TMC1: variants seen among roughly 807,000 people sequenced by gnomAD.
TMC1 encodes transmembrane channel like 1.
TMC1 carries 84 observed loss-of-function variants against 105.8 expected under a neutral mutation model. That is an observed-to-expected ratio of 0.79 (90% CI 0.67 to 0.95). TMC1 has a LOEUF of 0.95. Ranked by LOEUF, TMC1 falls within the 40% of genes least tolerant of loss-of-function variation. TMC1 has a pLI of 0.00. For missense variants in TMC1, 817 were observed against 914.1 expected, an observed-to-expected ratio of 0.89 and a Z score of 1.37; for synonymous variants, 315 against 311.5, an observed-to-expected ratio of 1.01 and a Z score of -0.12.
chr9:72,827,787 G>A, intron 21 of TMC1, among the ~76,000 whole-genome samples: 1 of 152,176 alleles, frequency 6.6e-6, no homozygotes, highest in Non-Finnish European at 1.5e-5. Flanking sequence ...CTCAGTCAGT[G>A]GGTAAATATT....
At position 72,667,635 on chromosome 9, in the gene TMC1, C is replaced by T. The variant is rs905548045; in HGVS notation, c.16+18971C>T. ...TGCTTAAAATTGAGATAATAACACA[C>T]GCACCAGTTGGGTTTCTCTGAGAAC... On this transcript the variant is annotated intron_variant, in intron 5 of 23. Transcript: ENST00000297784. 1.4e-4 allele frequency among the ~76,000 whole-genome samples: 21 copies of T among 152,322 alleles called. 1 individual carries two copies. The highest frequency in any genetic ancestry group is 5.2e-4 in the Admixed American group (8 of 15,296).
chr9:72,680,744 A>G (rs1158736326), intron 5 of TMC1, among the ~76,000 whole-genome samples: 2 of 152,080 alleles, frequency 1.3e-5, no homozygotes, highest in Admixed American at 6.6e-5. Context: ...TTTGGAAGAC[A>G]CTCATTAACA....
chr9:72,728,623 C>T (rs756432044), intron 8 of TMC1, among the ~76,000 whole-genome samples: 2 of 152,118 alleles, frequency 1.3e-5, no homozygotes, highest in South Asian at 2.1e-4. Flanking sequence ...ATTGTCTCTA[C>T]CCTTCTATTA....
At chr9:72,769,702 GT>G (rs1203750620) in intron 12 of TMC1, among the ~76,000 whole-genome samples, 1 of 152,182 alleles carries the variant, frequency 6.6e-6, no homozygotes, top group African/African-American at 2.4e-5. Context: ...AAAATAAGGT[GT>G]TTGGCAAGTG....
intron 8 of TMC1, among the ~76,000 whole-genome samples, chr9:72,719,176 G>A (rs1043718982): frequency 2.8e-4 from 42 of 152,166 alleles, no homozygotes; most frequent in African/African-American, 1.0e-3. Flanking sequence ...CCTGTCACCG[G>A]ATTCACATCC....
chr9:72,739,756 G>A (rs2118013412), intron 8 of TMC1, among the ~76,000 whole-genome samples: 1 of 152,200 alleles, frequency 6.6e-6, no homozygotes, highest in Admixed American at 6.5e-5. Context: ...AAGAAGAAGA[G>A]GAAGTATTTT....
chr9:72,810,944 G>A lies in TMC1; in HGVS notation c.1696-5199G>A, dbSNP rs534837463. Reference sequence around the variant, plus strand: ...AGTTGAATTGCTCAGTCACAGTAGAGGGCTTTAAAAAAGTCTATTCACTTT... The same window carrying A: ...AGTTGAATTGCTCAGTCACAGTAGAAGGCTTTAAAAAAGTCTATTCACTTT... On this transcript the variant is annotated intron_variant, in intron 18 of 23. Transcript: ENST00000297784. Among the ~76,000 whole-genome samples, 9 of 152,142 alleles carry A rather than the reference G, an allele frequency of 5.9e-5. No homozygotes were observed. In the East Asian group the frequency reaches 1.7e-3, roughly 29 times the overall value.
At chr9:72,734,617 A>G (rs1321740737) in intron 8 of TMC1, among the ~76,000 whole-genome samples, 1 of 152,034 alleles carries the variant, frequency 6.6e-6, no homozygotes, top group African/African-American at 2.4e-5. Flanking sequence ...TCACTCCCAC[A>G]GTAATATTTC....
At chr9:72,803,033 GCAGA>G (rs1244661895) in intron 17 of TMC1, among the ~76,000 whole-genome samples, 1 of 151,994 alleles carries the variant, frequency 6.6e-6, no homozygotes, top group Non-Finnish European at 1.5e-5. Flanking sequence ...GCAAAAACAG[GCAGA>G]CAGACCAGTG....
rs775592198 is a variant in TMC1 at position 72,830,691 on chromosome 9, T to TA, written c.2260+10dup. 9 of 1,611,116 alleles carry TA rather than the reference T, an allele frequency of 5.6e-6. No individual in the cohort carries two copies. The African/African-American group carries it at 8.0e-5, about 14-fold the overall frequency. On this transcript the variant is annotated intron_variant, in intron 23 of 23. Coordinates refer to ENST00000297784, the MANE Select transcript of TMC1 (RefSeq NM_138691.3). ...GGCAGCTGCACGAGCAGGTTGGAGA[T>TA]ACGTTTATGTTTGTAATGTTTGTAA...
At chr9:72,548,995 C>T (rs973524218) in intron 1 of TMC1, among the ~76,000 whole-genome samples, 5 of 152,174 alleles carry the variant, frequency 3.3e-5, no homozygotes, top group Non-Finnish European at 7.3e-5. Context: ...TGCACAGTAG[C>T]TGGCACATAG....
At chr9:72,824,236 G>A (rs1026212712) in intron 20 of TMC1, among the ~76,000 whole-genome samples, 3 of 152,238 alleles carry the variant, frequency 2.0e-5, no homozygotes, top group Non-Finnish European at 4.4e-5. Flanking sequence ...CCCAGAGGGG[G>A]TGTTACAATG....
rs949346342 is a variant in TMC1, at chr9:72,554,679, T to C, written c.-427-23223T>C. ...ATTCATTCACAAGCTTAAAGGACTT[T>C]GGTATCTGACTTTGTGGATGCCACT... On this transcript the variant is annotated intron_variant, in intron 1 of 23. Transcript: ENST00000297784. Among the ~76,000 whole-genome samples, 2 of 152,196 alleles carry C rather than the reference T, an allele frequency of 1.3e-5. 1 individual carries two copies. Among genetic ancestry groups the C allele is most frequent in the African/African-American group, 4.8e-5 (2 of 41,446 alleles).
At chr9:72,821,168 T>C (rs1471259481) in intron 20 of TMC1, 87 bp downstream of exon 20, 6 of 1,589,508 alleles carry the variant, frequency 3.8e-6, no homozygotes, top group Admixed American at 3.3e-5. Context: ...AGCTATTTTT[T>C]CCCCCCAAAC....
chr9:72,538,535 C>G (rs1823624644), intron 1 of TMC1, among the ~76,000 whole-genome samples: 1 of 152,112 alleles, frequency 6.6e-6, no homozygotes, highest in African/African-American at 2.4e-5. Context: ...CTCCCCAGCT[C>G]AAGCGATTCT....
intron 2 of TMC1, among the ~76,000 whole-genome samples, chr9:72,595,024 C>T (rs1269057204): frequency 6.6e-6 from 1 of 152,010 alleles, no homozygotes; most frequent in African/African-American, 2.4e-5. Context: ...TGCCACCACG[C>T]CCAGCTAATT....
chr9:72,562,195 T>G (rs551491042), intron 1 of TMC1, among the ~76,000 whole-genome samples: 19 of 152,292 alleles, frequency 1.2e-4, no homozygotes, highest in Non-Finnish European at 2.2e-4. Flanking sequence ...CTGACTAATA[T>G]ACTCATAAAT....
intron 2 of TMC1, among the ~76,000 whole-genome samples, chr9:72,583,612 A>G (rs1824506515): frequency 1.3e-5 from 2 of 152,232 alleles, no homozygotes; most frequent in Non-Finnish European, 1.5e-5. Context: ...CCCTCAAGCA[A>G]TGGCATGTTT....
intron 8 of TMC1, among the ~76,000 whole-genome samples, chr9:72,731,235 C>G (rs775515364): frequency 1.3e-5 from 2 of 152,052 alleles, no homozygotes; most frequent in African/African-American, 4.8e-5. Context: ...GAAATTAGTA[C>G]AAAAAATATA....
Sources: allele counts gnomAD v4.1 joint callset (sites outside exome capture counted in the v4.1 genomes callset), GRCh38; gene constraint gnomAD v4.1.1; transcripts MANE v1.5; gene names NCBI Gene and HGNC (gene_info 2026-07-23, HGNC 2026-07-21).